PEPD: variants seen among roughly 807,000 people sequenced by gnomAD.
The protein encoded by PEPD is xaa-Pro dipeptidase.
PEPD carries 53 observed loss-of-function variants against 60.7 expected under a neutral mutation model. The ratio of observed to expected loss-of-function variants is 0.87; its 90% CI spans 0.70 to 1.10. PEPD has a LOEUF of 1.10. PEPD is among the 50% of genes least tolerant of loss of function. The pLI is 0.00. For synonymous variants in PEPD, 267 were observed against 284.1 expected (o/e 0.94, Z 0.60); for missense variants, 711 against 711.9 (o/e 1.00, Z 0.01).
chr19:33,437,797 A>G (rs1969407414), intron 9 of PEPD, among the ~76,000 whole-genome samples: 2 of 152,152 alleles, frequency 1.3e-5, no homozygotes, highest in Admixed American at 1.3e-4. Context: ...TCAGGCAGTG[A>G]TTTCCAAAGG....
intron 3 of PEPD, among the ~76,000 whole-genome samples, chr19:33,503,846 C>G (rs1275353557): frequency 6.6e-6 from 1 of 152,146 alleles, no homozygotes; most frequent in African/African-American, 2.4e-5. Context: ...GATTTTGAGG[C>G]CAGCGCCCTA....
chr19:33,485,445 A>G (rs148577510), intron 6 of PEPD, among the ~76,000 whole-genome samples: 59 of 148,256 alleles, frequency 4.0e-4, no homozygotes, highest in Middle Eastern at 7.1e-3. Flanking sequence ...ATGAGCTGAG[A>G]TCGTGCCACT....
Position 33,511,019 on chromosome 19 carries a change from GCTC to G in PEPD, c.329+6_329+8del, listed in dbSNP as rs1568510898. The G allele has an allele frequency of 6.2e-7, 1 of 1,611,500 alleles. No individual in the cohort carries two copies. Among genetic ancestry groups the G allele is most frequent in the Non-Finnish European group, 8.5e-7 (1 of 1,179,004 alleles). On this transcript the variant is annotated splice_donor_region_variant and intron_variant, in intron 3 of 14. Coordinates refer to ENST00000244137, the MANE Select transcript of PEPD (RefSeq NM_000285.4). ...GTAGCCATGGTGCCCTGGCCAGGCT[GCTC>G]CTTACTTTCCCATCCAGGTGGCATG...
chr19:33,391,560 C>G, intron 12 of PEPD, 81 bp from the exon 13 acceptor site: 1 of 1,285,420 alleles, frequency 7.8e-7, no homozygotes, highest in East Asian at 2.5e-5. Context: ...GATGTGAAGC[C>G]CTCACACTGG....
At chr19:33,414,183 G>A (rs187008148) in intron 9 of PEPD, among the ~76,000 whole-genome samples, 154 of 152,310 alleles carry the variant, frequency 1.0e-3, no homozygotes, top group African/African-American at 3.4e-3. Flanking sequence ...GGGCAGGGTG[G>A]TCTCCAGGGA....
intron 12 of PEPD, among the ~76,000 whole-genome samples, chr19:33,393,590 G>T (rs1968289875): frequency 6.6e-6 from 1 of 152,172 alleles, no homozygotes; most frequent in African/African-American, 2.4e-5. Flanking sequence ...GCCCCGGGGG[G>T]TTGCTCTCAG....
chr19:33,467,264 A>G, intron 7 of PEPD, among the ~76,000 whole-genome samples: 1 of 151,970 alleles, frequency 6.6e-6, no homozygotes, highest in East Asian at 1.9e-4. Flanking sequence ...CATCCGACCC[A>G]AAGAGAAGGC....
chr19:33,463,776 C>T (rs1363114143), intron 8 of PEPD, among the ~76,000 whole-genome samples: 1 of 152,228 alleles, frequency 6.6e-6, no homozygotes, highest in African/African-American at 2.4e-5. Context: ...GGCAGGTGCC[C>T]TAAGCTGAGG....
chr19:33,459,656 T>C (rs1173328030), intron 9 of PEPD, among the ~76,000 whole-genome samples: 1 of 148,832 alleles, frequency 6.7e-6, no homozygotes, highest in Non-Finnish European at 1.5e-5. Context: ...TCTTCATAAA[T>C]GCCATCCGCT....
At chr19:33,521,270 G>T (rs938118612) in intron 1 of PEPD, among the ~76,000 whole-genome samples, 1 of 152,240 alleles carries the variant, frequency 6.6e-6, no homozygotes, top group African/African-American at 2.4e-5. Flanking sequence ...CACAAAAAGT[G>T]GGATAGATGG....
intron 3 of PEPD, among the ~76,000 whole-genome samples, chr19:33,502,679 CAGGCCACCACTTCATTTA>C (rs1970733958): frequency 1.3e-5 from 2 of 152,078 alleles, no homozygotes; most frequent in African/African-American, 4.8e-5. Context: ...AGACTGATGG[CAGGCCACCACTTCATTTA>C]CACCAGGCGA....
At chr19:33,500,814 C>G (rs1970693315) in intron 4 of PEPD, 124 bp downstream of exon 4, 2 of 763,116 alleles carry the variant, frequency 2.6e-6, no homozygotes, top group Non-Finnish European at 4.8e-6. Context: ...GGCGCAGGGA[C>G]TGGTGGCCAG....
chr19:33,440,230 C>T (rs1189327414), intron 9 of PEPD, among the ~76,000 whole-genome samples: 1 of 152,128 alleles, frequency 6.6e-6, no homozygotes. Context: ...CCACCTCACT[C>T]AATAGCAGCT....
chr19:33,500,225 C>G (rs1351836704), intron 4 of PEPD, among the ~76,000 whole-genome samples: 3 of 152,212 alleles, frequency 2.0e-5, no homozygotes, highest in African/African-American at 7.2e-5. Context: ...CGCCCAGGGC[C>G]AGAGCACAGA....
intron 9 of PEPD, among the ~76,000 whole-genome samples, chr19:33,416,542 G>C (rs972933867): frequency 3.9e-5 from 6 of 152,170 alleles, no homozygotes; most frequent in Admixed American, 3.9e-4. Context: ...CTGCTCACCT[G>C]GAAGGCGGAT....
At chr19:33,437,663 A>G (rs1376754374) in intron 9 of PEPD, among the ~76,000 whole-genome samples, 1 of 152,210 alleles carries the variant, frequency 6.6e-6, no homozygotes, top group Admixed American at 6.5e-5. Context: ...AAGATGACAA[A>G]TATCTTTCTC....
At chr19:33,466,136 T>A (rs1284916129) in intron 7 of PEPD, among the ~76,000 whole-genome samples, 1 of 152,220 alleles carries the variant, frequency 6.6e-6, no homozygotes, top group Non-Finnish European at 1.5e-5. Flanking sequence ...AAGAATGGCA[T>A]GGATTCCTTT....
At chr19:33,387,504 C>T (rs1555750300) in intron 14 of PEPD, 23 bp from the exon 15 acceptor site, 3 of 1,612,780 alleles carry the variant, frequency 1.9e-6, no homozygotes, top group Non-Finnish European at 2.5e-6. Context: ...GACAGACACA[C>T]ATTATCATAG....
At chr19:33,489,287 G>A (rs1054485418) in intron 6 of PEPD, among the ~76,000 whole-genome samples, 1 of 152,210 alleles carries the variant, frequency 6.6e-6, no homozygotes, top group Admixed American at 6.5e-5. Context: ...GGGGACACAG[G>A]GGAGCTGCTG....
Sources: gnomAD v4.1 joint callset for allele counts (sites outside exome capture counted in the v4.1 genomes callset) on GRCh38, gnomAD v4.1.1 for gene constraint, MANE v1.5 for transcripts, NCBI Gene and HGNC (gene_info 2026-07-23, HGNC 2026-07-21) for gene names.